SPAG16: variants seen among roughly 807,000 people sequenced by gnomAD.
SPAG16 encodes the protein sperm associated antigen 16.
A neutral mutation model predicts 80.4 loss-of-function variants in SPAG16; 86 were observed. That is an observed-to-expected ratio of 1.07 (90% CI 0.90 to 1.28). The LOEUF (loss-of-function observed/expected upper bound fraction) is 1.28, where lower values mean the gene tolerates loss of function less well. SPAG16 is among the 50% of genes most tolerant of loss of function. SPAG16 has a pLI of 0.00. For synonymous variants in SPAG16, 294 were observed against 265.9 expected, an observed-to-expected ratio of 1.11 and a Z score of -1.03; for missense variants, 870 against 765.3, an observed-to-expected ratio of 1.14 and a Z score of -1.61.
At chr2:214,269,047 T>C (rs1691800136) in intron 15 of SPAG16, among the ~76,000 whole-genome samples, 1 of 152,050 alleles carries the variant, frequency 6.6e-6, no homozygotes, top group Admixed American at 6.6e-5. Context: ...GTCTTTTCAA[T>C]ATCTTCTGGG....
intron 10 of SPAG16, among the ~76,000 whole-genome samples, chr2:213,492,366 C>T (rs1365736095): frequency 1.3e-5 from 2 of 151,950 alleles, no homozygotes; most frequent in Admixed American, 6.6e-5. Flanking sequence ...CTGGCTAACA[C>T]AGTGAAACCC....
chr2:214,273,970 G>A (rs1035632849), intron 15 of SPAG16, among the ~76,000 whole-genome samples: 11 of 151,916 alleles, frequency 7.2e-5, no homozygotes, highest in Non-Finnish European at 1.0e-4. Context: ...CCTTTATTTC[G>A]TTGAGCAGTA....
At chr2:213,677,269 A>G in intron 10 of SPAG16, among the ~76,000 whole-genome samples, 1 of 151,936 alleles carries the variant, frequency 6.6e-6, no homozygotes, top group Non-Finnish European at 1.5e-5. Flanking sequence ...ACATAACAAT[A>G]TTAACTTTAA....
chr2:213,473,354 A>C (rs1014838942), intron 9 of SPAG16, among the ~76,000 whole-genome samples: 28 of 152,180 alleles, frequency 1.8e-4, no homozygotes, highest in African/African-American at 6.5e-4. Context: ...GTAGATGAGA[A>C]CTGCGGTTCC....
At position 213,585,912 on chromosome 2, in the gene SPAG16, T is replaced by A. The variant is rs2060455835; in HGVS notation, c.1070+95822T>A. Among the ~76,000 whole-genome samples the A allele has an allele frequency of 2.0e-5, 3 of 152,210 alleles. No homozygotes were observed. The South Asian group carries it at 6.2e-4, about 32-fold the overall frequency. ...CAAAAAGATTAAAAGGGACTGCTTTTGAAACATTTATTACCCTCCTCCTTC... is the reference window on the plus strand; with the variant it reads ...CAAAAAGATTAAAAGGGACTGCTTTAGAAACATTTATTACCCTCCTCCTTC... On this transcript the variant is annotated intron_variant, in intron 10 of 15. Coordinates refer to ENST00000331683, the MANE Select transcript of SPAG16 (RefSeq NM_024532.5).
chr2:214,020,143 C>T lies in SPAG16; in HGVS notation c.1527+6066C>T, dbSNP rs546516149. Among the ~76,000 whole-genome samples, 34 of 152,150 alleles carry T rather than the reference C, an allele frequency of 2.2e-4. 1 individual carries two copies. Among genetic ancestry groups the T allele is most frequent in the South Asian group, 1.7e-3 (8 of 4,822 alleles). ...AAGTGGAGCCTGAGGAAGTAAGTTG[C>T]GCAAGAACAGCCCAGTGGTCAGTGA... On this transcript the variant is annotated intron_variant, in intron 13 of 15. Transcript: ENST00000331683.
rs536536381 is a variant in SPAG16 at position 213,605,563 on chromosome 2, C to T, written c.1070+115473C>T. Among the ~76,000 whole-genome samples, 233 of 152,252 alleles carry T rather than the reference C, an allele frequency of 1.5e-3. 2 individuals are homozygous for T. The highest frequency in any genetic ancestry group is 5.1e-3 in the African/African-American group (214 of 41,556). ...AGTGTGCAATGGCCCGGTCTCGGCT[C>T]ACTGCAACCTCCACCTCCTGGGTTC... On this transcript the variant is annotated intron_variant, in intron 10 of 15. Coordinates refer to ENST00000331683, the MANE Select transcript of SPAG16 (RefSeq NM_024532.5).
chr2:213,730,752 GT>G (rs937440294), intron 10 of SPAG16, among the ~76,000 whole-genome samples: 1 of 152,186 alleles, frequency 6.6e-6, no homozygotes, highest in Non-Finnish European at 1.5e-5. Flanking sequence ...TTCTTCCAAT[GT>G]TCTCCTACTC....
chr2:213,933,497 A>G (rs1230465838), intron 12 of SPAG16, among the ~76,000 whole-genome samples: 2 of 152,206 alleles, frequency 1.3e-5, no homozygotes, highest in Non-Finnish European at 2.9e-5. Context: ...GTTATATCAC[A>G]CTGTTACTCT....
At chr2:213,504,108 G>A (rs778045678) in intron 10 of SPAG16, among the ~76,000 whole-genome samples, 78 of 152,306 alleles carry the variant, frequency 5.1e-4, no homozygotes, top group Middle Eastern at 3.4e-3. Context: ...CTCCCCAATA[G>A]TGGTGGAATG....
intron 9 of SPAG16, among the ~76,000 whole-genome samples, chr2:213,388,445 C>G (rs2067565028): frequency 6.6e-6 from 1 of 152,124 alleles, no homozygotes; most frequent in Admixed American, 6.5e-5. Context: ...TCAGAAGCAA[C>G]TGCATATATG....
In SPAG16 at chr2:213,980,725, T is replaced by TATATAGAGAGAGAGAG. The variant is rs374274176; in HGVS notation, c.1401-33225_1401-33224insTATAGAGAGAGAGAGA. 2.5e-3 allele frequency among the ~76,000 whole-genome samples: 255 copies of TATATAGAGAGAGAGAG among 103,986 alleles called. 9 individuals are homozygous for TATATAGAGAGAGAGAG. Among genetic ancestry groups the TATATAGAGAGAGAGAG allele is most frequent in the African/African-American group, 0.012 (241 of 20,084 alleles). 68.2% of individuals were successfully genotyped at this position (103,986 alleles called of 152,430 possible). A position where few individuals can be genotyped will look rare whatever the true frequency, so the allele number is the denominator to read the frequency against. ...GTGTGTGTGTGTGTATATATATATA[T>TATATAGAGAGAGAGAG]AGAGAGAGAGAGAGAGAGAGAGAGA... On this transcript the variant is annotated intron_variant, in intron 12 of 15. Coordinates refer to ENST00000331683, the MANE Select transcript of SPAG16 (RefSeq NM_024532.5).
intron 11 of SPAG16, among the ~76,000 whole-genome samples, chr2:213,885,312 CA>C (rs1172580464): frequency 6.6e-6 from 1 of 152,128 alleles, no homozygotes; most frequent in Non-Finnish European, 1.5e-5. Flanking sequence ...TGGTTATACT[CA>C]ACTGCATGGC....
At chr2:213,938,918 A>T (rs530198027) in intron 12 of SPAG16, among the ~76,000 whole-genome samples, 8 of 152,190 alleles carry the variant, frequency 5.3e-5, no homozygotes, top group African/African-American at 1.9e-4. Context: ...AAATTTAAGT[A>T]ATGTTTCCTC....
intron 15 of SPAG16, among the ~76,000 whole-genome samples, chr2:214,206,977 A>T (rs73081043): frequency 3.3e-5 from 5 of 152,310 alleles, no homozygotes; most frequent in African/African-American, 1.2e-4. Context: ...CAGAAAAACC[A>T]TTGCCAGAGG....
intron 10 of SPAG16, among the ~76,000 whole-genome samples, chr2:213,735,962 A>G (rs2067263940): frequency 3.3e-5 from 5 of 152,196 alleles, no homozygotes; most frequent in Admixed American, 3.3e-4. Context: ...AGATACCACT[A>G]TCCTAATGAG....
At chr2:214,260,649 A>C (rs1468851762) in intron 15 of SPAG16, among the ~76,000 whole-genome samples, 1 of 152,134 alleles carries the variant, frequency 6.6e-6, no homozygotes, top group Non-Finnish European at 1.5e-5. Context: ...GATTCTCTTT[A>C]CAGCATGAGT....
chr2:213,339,295 T>C (rs2064551752), intron 5 of SPAG16, among the ~76,000 whole-genome samples: 1 of 152,208 alleles, frequency 6.6e-6, no homozygotes, highest in African/African-American at 2.4e-5. Flanking sequence ...CCCAGAGAAG[T>C]AGATTTCTTC....
intron 6 of SPAG16, among the ~76,000 whole-genome samples, chr2:213,350,168 G>A (rs112339310): frequency 0.024 from 3,625 of 152,214 alleles, 60 homozygotes; most frequent in African/African-American, 0.039. Context: ...ATCATCTATT[G>A]TTTGTGGCCC....
Sources: allele counts gnomAD v4.1 joint callset (sites outside exome capture counted in the v4.1 genomes callset), GRCh38; gene constraint gnomAD v4.1.1; transcripts MANE v1.5; gene names NCBI Gene and HGNC (gene_info 2026-07-23, HGNC 2026-07-21).